RPS6KA2: variants seen among roughly 807,000 people sequenced by gnomAD.
RPS6KA2 encodes ribosomal protein S6 kinase alpha-2.
Under a neutral mutation model 91.8 loss-of-function variants are expected in RPS6KA2, and 42 were observed. The observed-to-expected ratio is 0.46, with a 90% CI of 0.36 to 0.59. RPS6KA2 has a LOEUF of 0.59. Among genes scored for constraint, RPS6KA2 ranks in the 20% least tolerant of loss-of-function variants. The pLI, the probability that RPS6KA2 is intolerant of heterozygous loss-of-function variation, is 0.00. For missense variants in RPS6KA2, 798 were observed against 978.5 expected (o/e 0.82, Z 2.46); for synonymous variants, 414 against 393.6 (o/e 1.05, Z -0.61).
chr6:166,843,796 C>T (rs1780545024), intron 2 of RPS6KA2, among the ~76,000 whole-genome samples: 1 of 152,160 alleles, frequency 6.6e-6, no homozygotes, highest in Non-Finnish European at 1.5e-5. Context: ...GATCTTCCCT[C>T]AGACATAGTC....
intron 1 of RPS6KA2, among the ~76,000 whole-genome samples, chr6:166,602,709 A>G (rs1785790862): frequency 1.3e-5 from 2 of 152,234 alleles, no homozygotes; most frequent in South Asian, 4.1e-4. Context: ...GGAGTGGTAG[A>G]CCTCAAATCC....
intron 2 of RPS6KA2, among the ~76,000 whole-genome samples, chr6:166,853,430 G>A (rs577128500): frequency 3.3e-5 from 5 of 152,340 alleles, no homozygotes; most frequent in African/African-American, 1.2e-4. Context: ...GCCTGGGGCT[G>A]CCTGGCCCTG....
chr6:166,633,399 C>G (rs899230454), intron 2 of RPS6KA2, among the ~76,000 whole-genome samples: 15 of 152,204 alleles, frequency 9.9e-5, no homozygotes, highest in African/African-American at 3.6e-4. Context: ...AAGCATGGCA[C>G]AGCAGAAAAC....
chr6:166,690,765 C>T (rs1024008447), intron 2 of RPS6KA2, among the ~76,000 whole-genome samples: 34 of 152,112 alleles, frequency 2.2e-4, no homozygotes, highest in African/African-American at 7.0e-4. Flanking sequence ...ATAAAACGGA[C>T]GTACACCATC....
intron 10 of RPS6KA2, among the ~76,000 whole-genome samples, chr6:166,472,040 T>C (rs1037168791): frequency 6.6e-6 from 1 of 152,212 alleles, no homozygotes; most frequent in African/African-American, 2.4e-5. Flanking sequence ...CCTCCTTTGA[T>C]GATGACCAGA....
intron 2 of RPS6KA2, among the ~76,000 whole-genome samples, chr6:166,833,578 T>G (rs1265249715): frequency 1.3e-5 from 2 of 152,184 alleles, no homozygotes; most frequent in Admixed American, 1.3e-4. Flanking sequence ...CCACACATCC[T>G]GGACACCACT....
intron 2 of RPS6KA2, among the ~76,000 whole-genome samples, chr6:166,789,208 T>TTAAAAA (rs1779012159): frequency 6.6e-6 from 1 of 152,182 alleles, no homozygotes; most frequent in Non-Finnish European, 1.5e-5. Context: ...ACCAGGAGAT[T>TTAAAAA]ATATCCCACA....
At chr6:166,754,147 G>C (rs193299403) in intron 2 of RPS6KA2, among the ~76,000 whole-genome samples, 320 of 152,258 alleles carry the variant, frequency 2.1e-3, no homozygotes, top group Non-Finnish European at 3.5e-3. Context: ...ACCTATTTTT[G>C]CATTTCCCAC....
chr6:166,858,364 T>C, intron 1 of RPS6KA2: 1 of 680,562 alleles, frequency 1.5e-6, no homozygotes. Flanking sequence ...ATATCCCGCA[T>C]GATTTCTGTA....
At position 166,448,424 on chromosome 6, in the gene RPS6KA2, T is replaced by C. The variant is rs949025577; in HGVS notation, c.1332+300A>G. Among the ~76,000 whole-genome samples the C allele has an allele frequency of 2.6e-5, 4 of 152,218 alleles. No individual in the cohort carries two copies. Among genetic ancestry groups the C allele is most frequent in the Admixed American group, 2.6e-4 (4 of 15,286 alleles). ...ATTCATGATTTGCAAAACTACCTTTTAATGGGTGACCTCATATCAAAGCAA... is the reference window on the plus strand; with the variant it reads ...ATTCATGATTTGCAAAACTACCTTTCAATGGGTGACCTCATATCAAAGCAA... On this transcript the variant is annotated intron_variant, in intron 14 of 20. Transcript: ENST00000265678. This position sits in a 1 kb window ranked among gnomAD's most constrained non-coding sequence, Gnocchi z 4.7.
In RPS6KA2 at chr6:166,666,061, A is replaced by G. The variant is rs1788307255; in HGVS notation, c.124-127277T>C. Among the ~76,000 whole-genome samples the G allele has an allele frequency of 6.6e-6, 1 of 152,244 alleles. No homozygotes were observed. Among genetic ancestry groups the G allele is most frequent in the Non-Finnish European group, 1.5e-5 (1 of 68,046 alleles). On this transcript the variant is annotated intron_variant, in intron 2 of 21. Coordinates refer to the RPS6KA2 transcript ENST00000503859. The surrounding 1 kb of genome is among the most constrained non-coding windows in gnomAD (Gnocchi z 4.0). The stretch of plus-strand genomic sequence containing the variant: ...CAGAGATTAGCAATCTAGAAATAGA[A>G]AAGTTATTGAAAGCCAATCTTCTCC...
chr6:166,822,592 C>T (rs1779931315), intron 2 of RPS6KA2, among the ~76,000 whole-genome samples: 2 of 152,282 alleles, frequency 1.3e-5, no homozygotes, highest in South Asian at 4.1e-4. Flanking sequence ...AAACGATTTC[C>T]AGCTACACTG....
intron 1 of RPS6KA2, among the ~76,000 whole-genome samples, chr6:166,580,581 C>T (rs1784973579): frequency 6.6e-6 from 1 of 152,256 alleles, no homozygotes; most frequent in Non-Finnish European, 1.5e-5. Flanking sequence ...GTTGGACAAG[C>T]TTGCTCTGGA....
At chr6:166,729,001 C>T (rs1049543822) in intron 2 of RPS6KA2, among the ~76,000 whole-genome samples, 11 of 152,202 alleles carry the variant, frequency 7.2e-5, no homozygotes, top group African/African-American at 2.7e-4. Flanking sequence ...GAAGTGACTG[C>T]TGCAAAAAGT....
intron 2 of RPS6KA2, among the ~76,000 whole-genome samples, chr6:166,531,979 A>T (rs75811807): frequency 0.023 from 3,158 of 139,718 alleles, 157 homozygotes; most frequent in Admixed American, 0.11. Context: ...CCTTTGTATA[A>T]AAAAAAAAAC....
intron 11 of RPS6KA2, among the ~76,000 whole-genome samples, chr6:166,465,849 T>C (rs1473360280): frequency 6.6e-6 from 1 of 152,206 alleles, no homozygotes; most frequent in African/African-American, 2.4e-5. Flanking sequence ...ACTTTGCTGG[T>C]GCACCACCAG....
intron 2 of RPS6KA2, among the ~76,000 whole-genome samples, chr6:166,536,596 T>A (rs1278402703): frequency 1.3e-5 from 2 of 152,098 alleles, no homozygotes; most frequent in Non-Finnish European, 2.9e-5. Flanking sequence ...CTTTCCAGAG[T>A]CCAGCTCGCA....
At chr6:166,550,830 G>T (rs560322369) in intron 1 of RPS6KA2, among the ~76,000 whole-genome samples, 1 of 151,758 alleles carries the variant, frequency 6.6e-6, no homozygotes. Context: ...GTGAAACCCC[G>T]TCTCTACTAA....
intron 1 of RPS6KA2, among the ~76,000 whole-genome samples, chr6:166,577,511 AT>A (rs1198041163): frequency 6.6e-5 from 10 of 152,350 alleles, no homozygotes; most frequent in Admixed American, 5.9e-4. Flanking sequence ...AATGGAGATC[AT>A]TTTGGAGCTC....
Sources: gnomAD v4.1 joint callset for allele counts (sites outside exome capture counted in the v4.1 genomes callset) on GRCh38, gnomAD v4.1.1 for gene constraint, Gnocchi (gnomAD v3.1) non-coding constraint, MANE v1.5 for transcripts, NCBI Gene and HGNC (gene_info 2026-07-23, HGNC 2026-07-21) for gene names.